The following PDE4DIP variants were observed in gnomAD, a reference collection of about 807,000 sequenced individuals.
The protein encoded by PDE4DIP is myomegalin.
In PDE4DIP, 59 loss-of-function variants were observed where a neutral mutation model predicts 221.4. The observed-to-expected ratio is 0.27, with a 90% CI of 0.22 to 0.33. The LOEUF is 0.33. PDE4DIP is among the 10% of genes least tolerant of loss of function. The pLI, the probability that PDE4DIP is intolerant of heterozygous loss-of-function variation, is 1.00. For missense variants in PDE4DIP, 1,036 were observed against 2,154.2 expected, an observed-to-expected ratio of 0.48 and a Z score of 10.28; for synonymous variants, 404 against 815.9, an observed-to-expected ratio of 0.50 and a Z score of 8.60.
At chr1:148,926,955 A>G (rs1190662801) in intron 1 of PDE4DIP, among the ~76,000 whole-genome samples, 5 of 147,330 alleles carry the variant, frequency 3.4e-5, no homozygotes, top group African/African-American at 1.3e-4. Context: ...GCGTGTTTCC[A>G]TTTGTTAATC....
chr1:148,990,071 C>T, intron 21 of PDE4DIP: 1 of 245,624 alleles, frequency 4.1e-6, no homozygotes, highest in Non-Finnish European at 6.5e-6. Flanking sequence ...CCAAAGTTAA[C>T]ATAAAGTTCA....
chr1:148,956,270 C>T (rs2055300192), intron 5 of PDE4DIP, among the ~76,000 whole-genome samples: 1 of 151,930 alleles, frequency 6.6e-6, no homozygotes, highest in Admixed American at 6.6e-5. Flanking sequence ...CAAGATTGTT[C>T]TGTAAGGTTA....
chr1:148,865,170 C>G (rs1463776650), intron 2 of PDE4DIP, among the ~76,000 whole-genome samples: 9 of 138,452 alleles, frequency 6.5e-5, no homozygotes, highest in Non-Finnish European at 1.4e-4. Context: ...CTCACTGCAA[C>G]CTCCGCCTCC....
chr1:148,821,828 G>A (rs1392172768), intron 1 of PDE4DIP, among the ~76,000 whole-genome samples: 1 of 149,740 alleles, frequency 6.7e-6, no homozygotes, highest in Non-Finnish European at 1.5e-5. Flanking sequence ...GTGGAAGGAA[G>A]GGAGCTGCTT....
At chr1:148,935,005 C>G (rs1177348004) in intron 4 of PDE4DIP, among the ~76,000 whole-genome samples, 1 of 151,926 alleles carries the variant, frequency 6.6e-6, no homozygotes, top group African/African-American at 2.4e-5. Flanking sequence ...GGGCGGATCA[C>G]GAGATTAAGA....
chr1:148,864,371 C>T (rs1353097574), intron 2 of PDE4DIP, among the ~76,000 whole-genome samples: 4 of 140,982 alleles, frequency 2.8e-5, no homozygotes, highest in African/African-American at 1.1e-4. Context: ...TGTATCTTAT[C>T]TATTGTTACT....
chr1:148,842,507 C>CAAAAAA (rs1675273911), intron 1 of PDE4DIP, among the ~76,000 whole-genome samples: 1 of 19,214 alleles, frequency 5.2e-5, no homozygotes, highest in African/African-American at 1.2e-4. Flanking sequence ...AAATCTAACG[C>CAAAAAA]AAAAAAATTG....
At chr1:148,820,582 A>T (rs1668848644) in intron 1 of PDE4DIP, among the ~76,000 whole-genome samples, 1 of 137,274 alleles carries the variant, frequency 7.3e-6, no homozygotes, top group African/African-American at 2.7e-5. Context: ...AAAAAAAAAG[A>T]AAGAAAGTAG....
chr1:148,944,770 C>T (rs2051242408), intron 5 of PDE4DIP, among the ~76,000 whole-genome samples: 2 of 152,052 alleles, frequency 1.3e-5, no homozygotes, highest in South Asian at 4.2e-4. Context: ...ACTGGGGAGG[C>T]TGAGGCAGGA....
chr1:148,933,861 G>T (rs2048608220), intron 4 of PDE4DIP, among the ~76,000 whole-genome samples: 1 of 150,546 alleles, frequency 6.6e-6, no homozygotes, highest in Non-Finnish European at 1.5e-5. Flanking sequence ...TTCATGCCAG[G>T]CTAGTAATAA....
At chr1:149,017,287 GTACTTT>G in intron 33 of PDE4DIP, among the ~76,000 whole-genome samples, 1 of 150,716 alleles carries the variant, frequency 6.6e-6, no homozygotes, top group South Asian at 2.1e-4. Flanking sequence ...GTAAGATCAC[GTACTTT>G]TACTTTAGGC....
chr1:148,999,014 G>A (rs2064998171), intron 23 of PDE4DIP: 1 of 127,800 alleles, frequency 7.8e-6, no homozygotes, highest in African/African-American at 3.1e-5. Context: ...CCAAAGTGCT[G>A]GGATTACAGG....
At position 148,975,641 on chromosome 1, in the gene PDE4DIP, T is replaced by C. The variant is rs1461830485; in HGVS notation, c.2319+1036T>C. Among the ~76,000 whole-genome samples the C allele has an allele frequency of 6.6e-5, 10 of 152,282 alleles. No individual in the cohort carries two copies. The South Asian group carries it at 1.9e-3, about 28-fold the overall frequency. The stretch of plus-strand genomic sequence containing the variant: ...GGAAGAGGCCTTTCAGCCTTAGAGA[T>C]TCCCTTCCCCCTGCCTTTCCTCCAC... On this transcript the variant is annotated intron_variant, in intron 17 of 43. Coordinates refer to ENST00000369354, the Ensembl canonical transcript of PDE4DIP.
intron 32 of PDE4DIP, 67 bp from the exon 36 acceptor site, chr1:149,016,232 C>T (rs1618966): frequency 5.9e-4 from 795 of 1,346,968 alleles, no homozygotes; most frequent in Non-Finnish European, 7.5e-4. Context: ...AGCAATCACA[C>T]ACTTCCTTGC....
rs1449492527 is a variant in PDE4DIP, at chr1:148,892,252, C to T, written c.141+2358C>T. On this transcript the variant is annotated intron_variant, in intron 1 of 43. Coordinates refer to ENST00000369354, the Ensembl canonical transcript of PDE4DIP. Reference sequence around the variant, plus strand: ...TCAGGCGATCCACCCGCCTCAGCCTCCCAAAGTACTGGGATTACAGGCGTG... The same window carrying T: ...TCAGGCGATCCACCCGCCTCAGCCTTCCAAAGTACTGGGATTACAGGCGTG... Among the ~76,000 whole-genome samples, 2 of 121,682 alleles carry T rather than the reference C, an allele frequency of 1.6e-5. 1 individual carries two copies. Among genetic ancestry groups the T allele is most frequent in the African/African-American group, 6.9e-5 (2 of 29,060 alleles). The allele number at this position is 121,682 out of a possible 152,430, so 79.8% of individuals were successfully genotyped here. A position where few individuals can be genotyped will look rare whatever the true frequency, so the allele number is the denominator to read the frequency against.
chr1:148,898,715 GTTTTCACCACGTTAGCCAGGC>G (rs1478771104), intron 1 of PDE4DIP, among the ~76,000 whole-genome samples: 7 of 80,568 alleles, frequency 8.7e-5, no homozygotes, highest in African/African-American at 4.0e-4. Context: ...GTAGAGACGG[GTTTTCACCACGTTAGCCAGGC>G]TGGTCTCAAT....
chr1:148,983,197 A>T (rs1454924570), intron 21 of PDE4DIP: 1 of 152,096 alleles, frequency 6.6e-6, no homozygotes, highest in Admixed American at 6.6e-5. Flanking sequence ...GAGCCGTAGA[A>T]ATGTCAACCC....
chr1:148,964,167 C>T (rs6662023), intron 9 of PDE4DIP, among the ~76,000 whole-genome samples: 9 of 146,038 alleles, frequency 6.2e-5, no homozygotes, highest in East Asian at 4.1e-4. Context: ...TGGAGTGCAA[C>T]GACACAATCT....
chr1:148,951,864 G>T lies in PDE4DIP; in HGVS notation c.637-8790G>T, dbSNP rs1235624541. ...TTTCTGGACATTCCTGTTCAGAGTC[G>T]AGGTAAGGGTTGCACGGCCCCGCCC... On this transcript the variant is annotated intron_variant, in intron 5 of 43. Transcript: ENST00000369354. The T allele has an allele frequency of 7.3e-5, 12 of 164,642 alleles. No homozygotes were observed. In the Admixed American group the frequency reaches 7.8e-4, roughly 11 times the overall value. The allele number at this position is 164,642 out of a possible 1,614,324, so 10.2% of individuals were successfully genotyped here.
Sources: allele counts gnomAD v4.1 joint callset (sites outside exome capture counted in the v4.1 genomes callset), GRCh38; gene constraint gnomAD v4.1.1; transcripts MANE v1.5; gene names NCBI Gene and HGNC (gene_info 2026-07-23, HGNC 2026-07-21).